PCDH7: variants seen among roughly 807,000 people sequenced by gnomAD.
The protein encoded by PCDH7 is protocadherin-7.
A neutral mutation model predicts 58.9 loss-of-function variants in PCDH7; 17 were observed. That is an observed-to-expected ratio of 0.29 (90% CI 0.20 to 0.43). The LOEUF (loss-of-function observed/expected upper bound fraction) is 0.43. PCDH7 is among the 20% of genes least tolerant of loss of function. PCDH7 has a pLI of 1.00. For synonymous variants in PCDH7, 664 were observed against 616.4 expected (o/e 1.08, Z -1.14); for missense variants, 1,274 against 1,441.0 (o/e 0.88, Z 1.88).
intron 3 of PCDH7, among the ~76,000 whole-genome samples, chr4:31,033,880 G>A (rs895259114): frequency 7.2e-5 from 11 of 152,130 alleles, no homozygotes; most frequent in African/African-American, 2.7e-4. Flanking sequence ...GATCACCGGA[G>A]GTCAGGAGTT....
At chr4:30,854,155 A>G (rs1470967591) in intron 1 of PCDH7, among the ~76,000 whole-genome samples, 1 of 151,590 alleles carries the variant, frequency 6.6e-6, no homozygotes, top group African/African-American at 2.4e-5. Flanking sequence ...AAAGTCTTCT[A>G]TTAAAAAAAT....
chr4:31,075,762 G>C (rs2109259773), intron 3 of PCDH7, among the ~76,000 whole-genome samples: 1 of 152,238 alleles, frequency 6.6e-6, no homozygotes. Flanking sequence ...CTAGGAATGT[G>C]ATTTATCAAT....
intron 3 of PCDH7, among the ~76,000 whole-genome samples, chr4:31,020,641 G>A (rs1753950485): frequency 6.6e-6 from 1 of 152,204 alleles, no homozygotes; most frequent in Non-Finnish European, 1.5e-5. Context: ...GTGTGCAGAA[G>A]GGTGTGGATT....
At chr4:31,011,444 A>G (rs527726474) in intron 3 of PCDH7, among the ~76,000 whole-genome samples, 1 of 152,094 alleles carries the variant, frequency 6.6e-6, no homozygotes, top group East Asian at 1.9e-4. Context: ...TTGAATTACA[A>G]GCTAATAATG....
intron 3 of PCDH7, among the ~76,000 whole-genome samples, chr4:31,031,773 T>C (rs1282538590): frequency 2.0e-5 from 3 of 152,236 alleles, no homozygotes; most frequent in African/African-American, 7.2e-5. Flanking sequence ...CAACTAACTC[T>C]TTAGAAGAAT....
chr4:30,861,277 C>T (rs188150910), intron 1 of PCDH7, among the ~76,000 whole-genome samples: 1 of 152,182 alleles, frequency 6.6e-6, no homozygotes, highest in African/African-American at 2.4e-5. Context: ...GATTCACCCC[C>T]ACTCTCTTGC....
intron 1 of PCDH7, among the ~76,000 whole-genome samples, chr4:30,771,238 T>A: frequency 6.6e-6 from 1 of 152,222 alleles, no homozygotes; most frequent in South Asian, 2.1e-4. Context: ...AAAATGACCA[T>A]ATTTGAACCA....
At chr4:30,833,795 C>A (rs1730117901) in intron 1 of PCDH7, among the ~76,000 whole-genome samples, 1 of 152,144 alleles carries the variant, frequency 6.6e-6, no homozygotes, top group South Asian at 2.1e-4. Context: ...GCACTATGTG[C>A]CATGATGAGA....
chr4:31,005,841 C>T (rs954560168), intron 3 of PCDH7, among the ~76,000 whole-genome samples: 4 of 152,182 alleles, frequency 2.6e-5, no homozygotes, highest in African/African-American at 9.7e-5. Flanking sequence ...TAGCCCACTT[C>T]TATCACCGGA....
Position 30,900,732 on chromosome 4 carries a change from T to C in PCDH7, c.71-19421T>C, listed in dbSNP as rs116984071. The stretch of plus-strand genomic sequence containing the variant: ...GCAGAAGAGATGGTAAAGACATAGA[T>C]ATAGAAATGCTTCATAGTGCTGTCT... On this transcript the variant is annotated intron_variant, in intron 1 of 3. Coordinates refer to the PCDH7 transcript ENST00000509759. Among the ~76,000 whole-genome samples, 5 of 152,264 alleles carry C rather than the reference T, an allele frequency of 3.3e-5. No individual in the cohort carries two copies. The East Asian group carries it at 7.8e-4, about 24-fold the overall frequency.
chr4:31,111,852 T>G (rs1716359732), intron 3 of PCDH7, among the ~76,000 whole-genome samples: 2 of 152,162 alleles, frequency 1.3e-5, no homozygotes, highest in Admixed American at 1.3e-4. Flanking sequence ...ACTTTTCTAT[T>G]AGTATGTCAT....
At chr4:30,827,308 T>C (rs1325911589) in intron 1 of PCDH7, among the ~76,000 whole-genome samples, 8 of 152,300 alleles carry the variant, frequency 5.3e-5, no homozygotes. Context: ...CAACTGAGGT[T>C]CATAAAGTTT....
At chr4:31,142,809 C>T (rs1399800352) in exon 4 of PCDH7, 1 of 1,366,708 alleles carries the variant, frequency 7.3e-7, no homozygotes, top group Admixed American at 1.9e-5. Context: ...TATAAGCCAT[C>T]TCCTGTCAAT....
At chr4:31,033,965 G>A (rs562950118) in intron 3 of PCDH7, among the ~76,000 whole-genome samples, 7 of 152,040 alleles carry the variant, frequency 4.6e-5, no homozygotes, top group East Asian at 1.9e-4. Context: ...GTGGTGATGC[G>A]CCCCTGTAAT....
chr4:31,023,784 T>C (rs919194422), intron 3 of PCDH7, among the ~76,000 whole-genome samples: 1 of 152,192 alleles, frequency 6.6e-6, no homozygotes, highest in Non-Finnish European at 1.5e-5. Flanking sequence ...TTCTCTACCT[T>C]ACATTCTATT....
intron 1 of PCDH7, among the ~76,000 whole-genome samples, chr4:30,875,200 C>A (rs1465766602): frequency 6.6e-6 from 1 of 152,080 alleles, no homozygotes; most frequent in Non-Finnish European, 1.5e-5. Context: ...CCGAACCTCT[C>A]TTCTTGGTTT....
chr4:31,056,083 T>C (rs1482393985), intron 3 of PCDH7, among the ~76,000 whole-genome samples: 2 of 152,066 alleles, frequency 1.3e-5, no homozygotes, highest in African/African-American at 4.8e-5. Flanking sequence ...TAGAAAATAA[T>C]GAGAGCCGGG....
At chr4:30,754,174 G>T (rs891351271) in intron 1 of PCDH7, among the ~76,000 whole-genome samples, 2 of 139,776 alleles carry the variant, frequency 1.4e-5, no homozygotes, top group Admixed American at 6.8e-5. Context: ...GTGTGTGTGT[G>T]TGTGTGTGTG....
At chr4:30,755,593 T>C (rs1394776443) in intron 1 of PCDH7, among the ~76,000 whole-genome samples, 2 of 152,164 alleles carry the variant, frequency 1.3e-5, no homozygotes, top group Non-Finnish European at 2.9e-5. Context: ...CCTGTAGTTA[T>C]CATAACAAGC....
Sources: gnomAD v4.1 joint callset for allele counts (sites outside exome capture counted in the v4.1 genomes callset) on GRCh38, gnomAD v4.1.1 for gene constraint, MANE v1.5 for transcripts, NCBI Gene and HGNC (gene_info 2026-07-23, HGNC 2026-07-21) for gene names.